Variants in GARS1 observed in about 807,000 individuals in gnomAD.
The protein encoded by GARS1 is glycine--tRNA ligase.
Under a neutral mutation model 86.4 loss-of-function variants are expected in GARS1, and 46 were observed. The ratio of observed to expected loss-of-function variants is 0.53; its 90% confidence interval spans 0.42 to 0.68. The LOEUF is 0.68. GARS1 is among the 30% of genes least tolerant of loss of function. GARS1 has a pLI of 0.00. For synonymous variants in GARS1, 342 were observed against 329.8 expected, an observed-to-expected ratio of 1.04 and a Z score of -0.40; for missense variants, 797 against 915.6, an observed-to-expected ratio of 0.87 and a Z score of 1.67.
chr7:30,617,405 G>A, intron 10 of GARS1, 127 bp downstream of exon 10: 1 of 1,186,498 alleles, frequency 8.4e-7, no homozygotes, highest in Non-Finnish European at 1.2e-6. Flanking sequence ...CTTTTCCTGA[G>A]CAAAACAGAA....
chr7:30,622,843 G>A (rs1190102447), intron 12 of GARS1, among the ~76,000 whole-genome samples: 1 of 152,118 alleles, frequency 6.6e-6, no homozygotes, highest in East Asian at 1.9e-4. Context: ...GCTCATGGCT[G>A]TAATCCCAGC....
At chr7:30,601,886 C>G (rs1011731585) in intron 4 of GARS1, among the ~76,000 whole-genome samples, 33 of 152,034 alleles carry the variant, frequency 2.2e-4, no homozygotes, top group African/African-American at 8.0e-4. Flanking sequence ...TCACGCCATT[C>G]TCCTGCCTCA....
Position 30,594,887 on chromosome 7 carries a change from G to A in GARS1, c.-35G>A. 6.6e-7 allele frequency: 1 copy of A among 1,513,800 alleles called. No homozygotes were observed. The highest frequency in any genetic ancestry group is 2.0e-5 in the Admixed American group (1 of 50,914). 93.8% of individuals were successfully genotyped at this position (1,513,800 alleles called of 1,614,324 possible). ...CCGGGCGGCGCGCGCCGCTTCCGTC[G>A]CCACCCTCTCTGGACAGCCCAGGGC... On this transcript the variant is annotated 5_prime_UTR_variant, in exon 1 of 17. Coordinates refer to ENST00000389266, the MANE Select transcript of GARS1 (RefSeq NM_002047.4).
At chr7:30,633,353 T>C (rs1783275814) in intron 16 of GARS1, among the ~76,000 whole-genome samples, 1 of 152,198 alleles carries the variant, frequency 6.6e-6, no homozygotes, top group Admixed American at 6.5e-5. Context: ...GCACTCAAGT[T>C]TGAGAACCAT....
intron 13 of GARS1, among the ~76,000 whole-genome samples, chr7:30,626,873 C>T (rs893471915): frequency 2.0e-5 from 3 of 151,582 alleles, no homozygotes; most frequent in Non-Finnish European, 4.4e-5. Context: ...CCCAGCTACT[C>T]GGGAGGCTGA....
At chr7:30,612,054 A>C in intron 7 of GARS1, 42 bp from the exon 8 acceptor site, 1 of 1,557,934 alleles carries the variant, frequency 6.4e-7, no homozygotes, top group Non-Finnish European at 8.9e-7. Context: ...TGGAAAACAT[A>C]ATTTCTTTCT....
At chr7:30,601,027 T>A in intron 3 of GARS1, 32 bp from the exon 4 acceptor site, 1 of 1,609,764 alleles carries the variant, frequency 6.2e-7, no homozygotes. Context: ...AGTAACAAGG[T>A]AAAGTATGTG....
chr7:30,628,536 A>G, intron 13 of GARS1, 24 bp from the exon 14 acceptor site: 4 of 1,492,736 alleles, frequency 2.7e-6, no homozygotes, highest in South Asian at 1.1e-5. Context: ...AGAGAATGTT[A>G]TTGAATTTCT....
chr7:30,632,003 C>T lies in GARS1; in HGVS notation c.1904-244C>T, dbSNP rs528012102. 2.0e-6 allele frequency: 1 copy of T among 505,670 alleles called. No homozygotes were observed. Among genetic ancestry groups the T allele is most frequent in the East Asian group, 3.7e-5 (1 of 26,728 alleles). The allele number at this position is 505,670 out of a possible 1,614,324, so 31.3% of individuals were successfully genotyped here. On this transcript the variant is annotated intron_variant, in intron 15 of 16. Coordinates refer to ENST00000389266, the MANE Select transcript of GARS1 (RefSeq NM_002047.4). The surrounding 1 kb of genome is among the most constrained non-coding windows in gnomAD (Gnocchi z 4.1). ...GTGGAGTCAGGACTCACCTTCTGGC[C>T]TTGGCTCTTGGTCCCATATTTGTTC...
intron 6 of GARS1, among the ~76,000 whole-genome samples, chr7:30,605,092 T>G (rs1001044758): frequency 2.9e-4 from 44 of 152,218 alleles, no homozygotes; most frequent in African/African-American, 1.0e-3. Flanking sequence ...CCATGGGAAA[T>G]GGTGTAGCAC....
At position 30,622,302 on chromosome 7, in the gene GARS1, T is replaced by C; in HGVS notation, c.1468-15T>C. 8 of 1,614,036 alleles carry C rather than the reference T, an allele frequency of 5.0e-6. No individual in the cohort carries two copies. The highest frequency in any genetic ancestry group is 6.8e-6 in the Non-Finnish European group (8 of 1,179,960). ...AGGCAGTGCTGTAGTTTTGGATTCC[T>C]TGACTACTTCATACAAAACAGTCAA... is the stretch of plus-strand genomic sequence containing the variant. On this transcript the variant is annotated splice_polypyrimidine_tract_variant and intron_variant, in intron 11 of 16. Coordinates refer to ENST00000389266, the MANE Select transcript of GARS1 (RefSeq NM_002047.4).
rs1281835291 is a variant in GARS1, at chr7:30,621,394, G to A, written c.1361G>A (p.Gly454Asp). 4 of 1,613,490 alleles carry A rather than the reference G, an allele frequency of 2.5e-6. No homozygotes were observed. The South Asian group carries it at 4.4e-5, about 18-fold the overall frequency. ...CWDAESKTSY[G>D]WIEIVGCADR... ...TTTTTATTGATTATATCTTTTTAGG[G>A]TTGGATTGAGATTGTTGGATGTGCT... is the stretch of plus-strand genomic sequence containing the variant. Residue 454 changes from glycine to aspartate, a missense_variant and splice_region_variant, in exon 11 of 17, where the codon GGT (glycine) becomes GAT (aspartate). Physicochemically the swap from Gly to Asp is moderately conservative, Grantham distance 94. Coordinates refer to ENST00000389266, the MANE Select transcript of GARS1 (RefSeq NM_002047.4).
intron 6 of GARS1, among the ~76,000 whole-genome samples, chr7:30,606,651 T>C (rs1473137966): frequency 1.3e-5 from 2 of 152,198 alleles, no homozygotes; most frequent in African/African-American, 4.8e-5. Flanking sequence ...GCCCTTGTAG[T>C]CTCTGAAAAC....
intron 12 of GARS1, among the ~76,000 whole-genome samples, chr7:30,623,421 T>TA (rs1783060356): frequency 6.6e-6 from 1 of 152,092 alleles, no homozygotes; most frequent in African/African-American, 2.4e-5. Flanking sequence ...ACATGTTTTT[T>TA]ATATATATAA....
At chr7:30,605,213 C>T (rs1294982119) in intron 6 of GARS1, among the ~76,000 whole-genome samples, 1 of 152,222 alleles carries the variant, frequency 6.6e-6, no homozygotes, top group Non-Finnish European at 1.5e-5. Flanking sequence ...TATGAAGCAT[C>T]ATTGTTTCTT....
At chr7:30,595,274 C>A in intron 1 of GARS1, 131 bp downstream of exon 1, 1 of 913,328 alleles carries the variant, frequency 1.1e-6, no homozygotes, top group Non-Finnish European at 1.7e-6. Flanking sequence ...CATCCTCTGG[C>A]GTCTTCTTCG....
chr7:30,630,190 G>A (rs11979352), intron 14 of GARS1, among the ~76,000 whole-genome samples: 13,692 of 152,166 alleles, frequency 0.09, 1,173 homozygotes, highest in African/African-American at 0.22. Context: ...GCAGGTCCCT[G>A]TTACTCTCTT....
intron 16 of GARS1, among the ~76,000 whole-genome samples, chr7:30,633,135 A>G (rs2240400): frequency 0.1 from 15,382 of 152,232 alleles, 864 homozygotes; most frequent in South Asian, 0.2. Context: ...TTTAGAGACC[A>G]TCTGGCTACT....
At chr7:30,623,363 CAT>C (rs1386760113) in intron 12 of GARS1, among the ~76,000 whole-genome samples, 2 of 151,974 alleles carry the variant, frequency 1.3e-5, no homozygotes, top group African/African-American at 4.8e-5. Context: ...AAAACATTAA[CAT>C]GTGAGGTGAG....
Sources: allele counts gnomAD v4.1 joint callset (sites outside exome capture counted in the v4.1 genomes callset), GRCh38; gene constraint gnomAD v4.1.1; non-coding constraint Gnocchi (gnomAD v3.1); transcripts MANE v1.5; gene names NCBI Gene and HGNC (gene_info 2026-07-23, HGNC 2026-07-21).